The following IL1RAPL1 variants were observed in gnomAD, a reference collection of about 807,000 sequenced individuals.
IL1RAPL1 encodes the protein interleukin 1 receptor accessory protein like 1.
A neutral mutation model predicts 48.4 loss-of-function variants in IL1RAPL1; 3 were observed. The observed-to-expected ratio is 0.06, with a 90% confidence interval of 0.03 to 0.16. IL1RAPL1 has a LOEUF of 0.16. Ranked by LOEUF, IL1RAPL1 falls within the 10% of genes least tolerant of loss-of-function variation. IL1RAPL1 has a pLI of 1.00. For missense variants in IL1RAPL1, 349 were observed against 530.6 expected (o/e 0.66, Z 3.36); for synonymous variants, 185 against 187.7 (o/e 0.99, Z 0.12).
At position 29,859,958 on chromosome X, in the gene IL1RAPL1, T is replaced by C. The variant is rs765727703; in HGVS notation, c.779-57506T>C. Reference sequence around the variant, plus strand: ...CATAAGACGATTAGTACAAGAGTGGTGAGGACTGAAAAACAATTCAAGATA... The same window carrying C: ...CATAAGACGATTAGTACAAGAGTGGCGAGGACTGAAAAACAATTCAAGATA... On this transcript the variant is annotated intron_variant, in intron 6 of 10. Coordinates refer to ENST00000378993, the MANE Select transcript of IL1RAPL1 (RefSeq NM_014271.4). Among the ~76,000 whole-genome samples, 6 of 112,275 alleles carry C rather than the reference T, an allele frequency of 5.3e-5. No individual in the cohort carries two copies. The South Asian group carries it at 2.2e-3, about 41-fold the overall frequency.
rs983428538 is a variant in IL1RAPL1, at chrX:29,329,539, G to A, written c.362+46322G>A. Among the ~76,000 whole-genome samples, 5 of 111,455 alleles carry A rather than the reference G, an allele frequency of 4.5e-5. No homozygotes were observed. The South Asian group carries it at 1.5e-3, about 34-fold the overall frequency. ...ATAAAAAATGAACTACTGGCTTGGCGCAGTGGCTCACTCCTGTAATCCCAG... is the reference window on the plus strand; with the variant it reads ...ATAAAAAATGAACTACTGGCTTGGCACAGTGGCTCACTCCTGTAATCCCAG... On this transcript the variant is annotated intron_variant, in intron 3 of 10. Transcript: ENST00000378993.
chrX:29,790,085 C>T lies in IL1RAPL1; in HGVS notation c.778+121581C>T, dbSNP rs368119123. ...AGGTTTATAACTCATGAGGCTAAAG[C>T]AAATTAGTGTCAACGTTTTATCATG... On this transcript the variant is annotated intron_variant, in intron 6 of 10. Transcript: ENST00000378993. Among the ~76,000 whole-genome samples the T allele has an allele frequency of 6.7e-4, 75 of 111,352 alleles. 1 individual carries two copies. In the South Asian group the frequency reaches 0.028, roughly 42 times the overall value.
chrX:28,686,195 T>C (rs1455939435), intron 1 of IL1RAPL1, among the ~76,000 whole-genome samples: 1 of 112,134 alleles, frequency 8.9e-6, no homozygotes, highest in Non-Finnish European at 1.9e-5. Flanking sequence ...CTATAACATA[T>C]TGAGTTGAAT....
intron 5 of IL1RAPL1, among the ~76,000 whole-genome samples, chrX:29,560,896 G>A (rs1411844357): frequency 1.8e-5 from 2 of 112,002 alleles, no homozygotes; most frequent in Non-Finnish European, 3.8e-5. Flanking sequence ...ATTGTGAGTT[G>A]TTTTTGTTGT....
At chrX:29,856,705 G>T (rs760360615) in intron 6 of IL1RAPL1, among the ~76,000 whole-genome samples, 1 of 111,403 alleles carries the variant, frequency 9.0e-6, no homozygotes. Context: ...TATATTTCTC[G>T]ACTATACCTA....
intron 2 of IL1RAPL1, among the ~76,000 whole-genome samples, chrX:28,910,627 A>G (rs1360781089): frequency 9.1e-6 from 1 of 109,427 alleles, no homozygotes; most frequent in Non-Finnish European, 1.9e-5. Flanking sequence ...GAGTCTTACT[A>G]TACTACACTT....
At chrX:28,974,931 T>C (rs1212331005) in intron 2 of IL1RAPL1, among the ~76,000 whole-genome samples, 2 of 112,434 alleles carry the variant, frequency 1.8e-5, no homozygotes, top group Non-Finnish European at 3.8e-5. Context: ...TGTATAGATA[T>C]AAATGGAATG....
At chrX:29,276,532 C>CT (rs1384775957) in intron 2 of IL1RAPL1, among the ~76,000 whole-genome samples, 1 of 110,111 alleles carries the variant, frequency 9.1e-6, no homozygotes, top group African/African-American at 3.3e-5. Context: ...TGTGTTAACA[C>CT]CAAAGATATA....
intron 6 of IL1RAPL1, among the ~76,000 whole-genome samples, chrX:29,823,110 C>A (rs150992448): frequency 9.1e-4 from 102 of 111,742 alleles, no homozygotes; most frequent in African/African-American, 3.1e-3. Flanking sequence ...GAAGTTTGAT[C>A]TTTGTTTGGG....
intron 6 of IL1RAPL1, among the ~76,000 whole-genome samples, chrX:29,797,313 A>G (rs924238464): frequency 1.8e-5 from 2 of 112,370 alleles, no homozygotes; most frequent in African/African-American, 6.5e-5. Context: ...GGAGAATCCA[A>G]GTGACCTTTT....
At chrX:29,037,725 A>G (rs1002022548) in intron 2 of IL1RAPL1, among the ~76,000 whole-genome samples, 1 of 111,819 alleles carries the variant, frequency 8.9e-6, no homozygotes, top group Non-Finnish European at 1.9e-5. Flanking sequence ...ACAAAGGCAC[A>G]GTTTTTCTAA....
At chrX:29,059,946 TC>T (rs1488348849) in intron 2 of IL1RAPL1, among the ~76,000 whole-genome samples, 2 of 111,882 alleles carry the variant, frequency 1.8e-5, no homozygotes, top group Admixed American at 1.9e-4. Flanking sequence ...TTAGCAACTT[TC>T]CTTGCTTGTG....
intron 2 of IL1RAPL1, among the ~76,000 whole-genome samples, chrX:28,868,112 G>T (rs952557645): frequency 9.0e-6 from 1 of 111,111 alleles, no homozygotes; most frequent in South Asian, 3.8e-4. Context: ...AAAAAGTATA[G>T]TCACCAAAGT....
chrX:29,115,780 G>A (rs1191147428), intron 2 of IL1RAPL1, among the ~76,000 whole-genome samples: 2 of 109,985 alleles, frequency 1.8e-5, no homozygotes, highest in South Asian at 3.8e-4. Flanking sequence ...CTTATTTATA[G>A]CATTATATTT....
At chrX:29,653,579 G>A (rs1018843259) in intron 5 of IL1RAPL1, among the ~76,000 whole-genome samples, 1 of 111,298 alleles carries the variant, frequency 9.0e-6, no homozygotes, top group Non-Finnish European at 1.9e-5. Context: ...TTGCTTATAG[G>A]CATGTTTTTC....
chrX:29,743,064 A>G (rs1014257893), intron 6 of IL1RAPL1, among the ~76,000 whole-genome samples: 3 of 109,893 alleles, frequency 2.7e-5, no homozygotes, highest in African/African-American at 9.9e-5. Flanking sequence ...TATGGCATAT[A>G]TAAGTAATAC....
Position 28,969,886 on chromosome X carries a change from C to CAT in IL1RAPL1, c.82+180468_82+180469dup, listed in dbSNP as rs749896724. ...ACACATATATATATGTTTCTAAACA[C>CAT]ATATATATGTTTCTAAACACACATA... On this transcript the variant is annotated intron_variant, in intron 2 of 10. Transcript: ENST00000378993. 9.3e-5 allele frequency among the ~76,000 whole-genome samples: 10 copies of CAT among 107,187 alleles called. 1 individual carries two copies. The highest frequency in any genetic ancestry group is 4.1e-4 in the South Asian group (1 of 2,428). 93.1% of individuals were successfully genotyped at this position (107,187 alleles called of 115,157 possible). A position where few individuals can be genotyped will look rare whatever the true frequency, so the allele number is the denominator to read the frequency against.
chrX:29,575,971 C>T (rs1362372422), intron 5 of IL1RAPL1, among the ~76,000 whole-genome samples: 1 of 112,208 alleles, frequency 8.9e-6, no homozygotes, highest in South Asian at 3.7e-4. Flanking sequence ...GCAACAGCGC[C>T]TATCATAGTT....
intron 3 of IL1RAPL1, among the ~76,000 whole-genome samples, chrX:29,326,921 A>G (rs778240199): frequency 7.2e-5 from 8 of 111,818 alleles, no homozygotes; most frequent in Non-Finnish European, 1.5e-4. Context: ...ATATTTCCAC[A>G]TGGGCAACAC....
Sources: gnomAD v4.1 joint callset for allele counts (sites outside exome capture counted in the v4.1 genomes callset) on GRCh38, gnomAD v4.1.1 for gene constraint, MANE v1.5 for transcripts, NCBI Gene and HGNC (gene_info 2026-07-23, HGNC 2026-07-21) for gene names.